Variants in MSN observed in about 807,000 individuals in gnomAD.
The protein encoded by MSN is epididymis luminal protein 70.
MSN carries 2 observed loss-of-function variants against 48.0 expected under a neutral mutation model. The observed-to-expected ratio is 0.04, with a 90% CI of 0.02 to 0.13. The LOEUF is 0.13. Among genes scored for constraint, MSN ranks in the 10% least tolerant of loss-of-function variants. The pLI is 1.00. For missense variants in MSN, 267 were observed against 470.1 expected (o/e 0.57, Z 3.99); for synonymous variants, 146 against 166.9 (o/e 0.87, Z 0.97).
chrX:65,643,564 C>T lies in MSN; in HGVS notation c.-22+54952C>T, dbSNP rs986450319. On this transcript the variant is annotated intron_variant, in intron 1 of 3. Coordinates refer to the MSN transcript ENST00000609672. ...ATGCTAGAAAGTTCTAGCAACTGTA[C>T]TCAAGCTAGAAAGTTCTAATTTAAT... is the stretch of plus-strand genomic sequence containing the variant. Among the ~76,000 whole-genome samples the T allele has an allele frequency of 6.2e-5, 7 of 112,150 alleles. No homozygotes were observed. The Admixed American group carries it at 6.7e-4, about 11-fold the overall frequency.
At chrX:65,588,411 G>A (rs1261367399) in exon 1 of MSN, 10 of 278,682 alleles carry the variant, frequency 3.6e-5, no homozygotes, top group Admixed American at 8.2e-5. Flanking sequence ...AGAGGCGCCC[G>A]GAAAACCTTA....
intron 1 of MSN, among the ~76,000 whole-genome samples, chrX:65,592,305 C>T: frequency 9.7e-6 from 1 of 102,616 alleles, no homozygotes; most frequent in Middle Eastern, 5.2e-3. Flanking sequence ...AAGCAATTCT[C>T]TTGCCTCAGC....
chrX:65,701,153 C>T (rs2071299214), intron 1 of MSN, among the ~76,000 whole-genome samples: 1 of 111,786 alleles, frequency 8.9e-6, no homozygotes, highest in Admixed American at 9.5e-5. Flanking sequence ...GTTTAAGACG[C>T]AGAGAACTCA....
At chrX:65,601,466 G>T (rs2070234876) in intron 1 of MSN, among the ~76,000 whole-genome samples, 1 of 112,457 alleles carries the variant, frequency 8.9e-6, no homozygotes, top group Non-Finnish European at 1.9e-5. Flanking sequence ...TTCCGGTTTG[G>T]GAAATCATTC....
chrX:65,612,592 G>T (rs189346144), intron 1 of MSN, among the ~76,000 whole-genome samples: 5 of 106,862 alleles, frequency 4.7e-5, no homozygotes, highest in African/African-American at 1.7e-4. Flanking sequence ...GCAGGGTCTC[G>T]CTCTGTCACC....
intron 2 of MSN, among the ~76,000 whole-genome samples, chrX:65,725,977 A>G (rs1276315374): frequency 8.9e-6 from 1 of 112,246 alleles, no homozygotes; most frequent in Non-Finnish European, 1.9e-5. Context: ...GAGAGGAAAT[A>G]TGCTACCTTG....
chrX:65,740,447 G>A lies in MSN; in HGVS notation c.*554G>A. 1 of 174,855 alleles carries A rather than the reference G, an allele frequency of 5.7e-6. No homozygotes were observed. The highest frequency in any genetic ancestry group is 1.1e-5 in the Non-Finnish European group (1 of 91,186). The allele number at this position is 174,855 out of a possible 1,213,427, so 14.4% of individuals were successfully genotyped here. On this transcript the variant is annotated 3_prime_UTR_variant, in exon 13 of 13. Coordinates refer to ENST00000360270, the MANE Select transcript of MSN (RefSeq NM_002444.3). Reference sequence around the variant, plus strand: ...CGATTGGGGGATAAAAAGATGTTCAGTCATTTTTGTTTCTACCTCCCAGAT... The same window carrying A: ...CGATTGGGGGATAAAAAGATGTTCAATCATTTTTGTTTCTACCTCCCAGAT...
At chrX:65,607,063 A>C (rs1026088888) in intron 1 of MSN, among the ~76,000 whole-genome samples, 3 of 112,175 alleles carry the variant, frequency 2.7e-5, no homozygotes, top group African/African-American at 9.7e-5. Flanking sequence ...CAAACATCTA[A>C]TGAGTATTTT....
At chrX:65,735,493 C>T in intron 8 of MSN, 63 bp downstream of exon 8, 1 of 1,125,706 alleles carries the variant, frequency 8.9e-7, no homozygotes, top group Non-Finnish European at 1.2e-6. Context: ...CAAAGGTGCC[C>T]TGCATGCTAA....
chrX:65,729,835 T>C (rs1385076898), intron 4 of MSN, 123 bp downstream of exon 4: 4 of 724,755 alleles, frequency 5.5e-6, no homozygotes, highest in Non-Finnish European at 7.9e-6. Flanking sequence ...CTGAAGACTG[T>C]GTTATGCTGC....
intron 1 of MSN, among the ~76,000 whole-genome samples, chrX:65,610,536 G>C (rs2070311999): frequency 9.0e-6 from 1 of 111,695 alleles, no homozygotes. Context: ...TCCATATTTT[G>C]GCTATTGTGA....
At chrX:65,697,846 T>C (rs960006593) in intron 1 of MSN, among the ~76,000 whole-genome samples, 4 of 112,398 alleles carry the variant, frequency 3.6e-5, no homozygotes, top group African/African-American at 1.3e-4. Context: ...ATCATGATCA[T>C]CTATCTGTAG....
At chrX:65,643,786 T>G (rs2070675762) in intron 1 of MSN, among the ~76,000 whole-genome samples, 1 of 111,361 alleles carries the variant, frequency 9.0e-6, no homozygotes, top group Admixed American at 9.6e-5. Context: ...ATGGTATTAC[T>G]CCATTGCTCC....
upstream of MSN, among the ~76,000 whole-genome samples, chrX:65,666,174 TTTG>T (rs925389423): frequency 1.8e-5 from 2 of 108,664 alleles, no homozygotes; most frequent in African/African-American, 6.8e-5. Flanking sequence ...GGCTAATTTT[TTTG>T]TTTTTTTTTT....
At chrX:65,716,930 CCTT>C (rs1466940927) in intron 2 of MSN, 29 bp downstream of exon 2, 19 of 1,147,514 alleles carry the variant, frequency 1.7e-5, no homozygotes, top group Non-Finnish European at 2.1e-5. Context: ...AGCCTCCTCT[CCTT>C]CTCTGAATAG....
At chrX:65,706,492 G>A (rs1347809501) in intron 1 of MSN, among the ~76,000 whole-genome samples, 2 of 111,900 alleles carry the variant, frequency 1.8e-5, no homozygotes, top group South Asian at 3.7e-4. Context: ...TGGAAATGAG[G>A]TCATTGAGCT....
intron 1 of MSN, among the ~76,000 whole-genome samples, chrX:65,615,204 C>G (rs1217224437): frequency 2.7e-5 from 3 of 109,760 alleles, no homozygotes; most frequent in Non-Finnish European, 5.7e-5. Flanking sequence ...ATTTATAGTC[C>G]TTTGGGTATA....
At chrX:65,736,520 C>T (rs1390538107) in intron 8 of MSN, among the ~76,000 whole-genome samples, 2 of 108,637 alleles carry the variant, frequency 1.8e-5, no homozygotes, top group Non-Finnish European at 3.8e-5. Context: ...CTGCAACCTC[C>T]GCCTCCTGTC....
chrX:65,613,478 T>G (rs1334786090), intron 1 of MSN, among the ~76,000 whole-genome samples: 1 of 114,495 alleles, frequency 8.7e-6, no homozygotes, highest in Non-Finnish European at 1.9e-5. Context: ...TGAACTAATT[T>G]TCACTCCCAC....
Sources: allele counts gnomAD v4.1 joint callset (sites outside exome capture counted in the v4.1 genomes callset), GRCh38; gene constraint gnomAD v4.1.1; transcripts MANE v1.5; gene names NCBI Gene and HGNC (gene_info 2026-07-23, HGNC 2026-07-21).